The following HYCC1 variants were observed in gnomAD, a reference collection of about 807,000 sequenced individuals.
The protein encoded by HYCC1 is hyccin.
chr7:23,001,207 T>C, the HYCC1 span, among the ~76,000 whole-genome samples: 1 of 152,180 alleles, frequency 6.6e-6, no homozygotes, highest in South Asian at 2.1e-4. Flanking sequence ...AAGCGATTTA[T>C]TGGAATTTTA....
the HYCC1 span, among the ~76,000 whole-genome samples, chr7:22,905,386 A>ATTTTT: frequency 4.7e-4 from 21 of 44,468 alleles, 1 homozygote; most frequent in African/African-American, 1.0e-3. Flanking sequence ...CTAATTTTGT[A>ATTTTT]TTTTTTTTTT....
the HYCC1 span, among the ~76,000 whole-genome samples, chr7:22,953,328 G>A: frequency 1.3e-5 from 2 of 151,888 alleles, no homozygotes; most frequent in African/African-American, 4.8e-5. Flanking sequence ...ATAAAAAGGT[G>A]GAGAAAGGAG....
At chr7:22,999,272 T>C in the HYCC1 span, among the ~76,000 whole-genome samples, 1 of 152,346 alleles carries the variant, frequency 6.6e-6, no homozygotes, top group Middle Eastern at 3.4e-3. Context: ...AGAGCAGTTA[T>C]TGCTGAAATA....
At chr7:22,906,843 G>C in the HYCC1 span, among the ~76,000 whole-genome samples, 1 of 151,928 alleles carries the variant, frequency 6.6e-6, no homozygotes, top group African/African-American at 2.4e-5. Context: ...TTTAATACAT[G>C]TACAATCTAG....
the HYCC1 span, among the ~76,000 whole-genome samples, chr7:22,992,332 G>T: frequency 5.9e-5 from 9 of 152,020 alleles, no homozygotes; most frequent in African/African-American, 2.2e-4. Context: ...TGGGTAATAC[G>T]CATTTTATTT....
chr7:22,903,950 G>T, the HYCC1 span, among the ~76,000 whole-genome samples: 1 of 152,016 alleles, frequency 6.6e-6, no homozygotes, highest in East Asian at 1.9e-4. Context: ...AAAATGAAGG[G>T]ATTATAATTT....
chr7:22,900,034 A>T, the HYCC1 span, among the ~76,000 whole-genome samples: 1 of 152,228 alleles, frequency 6.6e-6, no homozygotes, highest in Admixed American at 6.5e-5. Flanking sequence ...ATTGTCTACC[A>T]TAGGCCAGTT....
At chr7:22,982,501 T>C in the HYCC1 span, among the ~76,000 whole-genome samples, 1 of 152,110 alleles carries the variant, frequency 6.6e-6, no homozygotes, top group Non-Finnish European at 1.5e-5. Flanking sequence ...GATACATAGA[T>C]CCATATTGGA....
At chr7:22,953,901 A>G in the HYCC1 span, among the ~76,000 whole-genome samples, 3 of 151,818 alleles carry the variant, frequency 2.0e-5, no homozygotes, top group East Asian at 5.8e-4. Flanking sequence ...AAACTGCCAG[A>G]TAATTTTTTA....
At chr7:22,976,784 G>A in the HYCC1 span, 1 of 1,612,708 alleles carries the variant, frequency 6.2e-7, no homozygotes, top group Non-Finnish European at 8.5e-7. Flanking sequence ...CTCTCAGTCA[G>A]AGCCATGGAC....
the HYCC1 span, chr7:22,937,789 T>A: frequency 6.6e-6 from 1 of 152,082 alleles, no homozygotes. Flanking sequence ...CACAGCACAA[T>A]GTGATGTGGA....
the HYCC1 span, among the ~76,000 whole-genome samples, chr7:23,011,571 T>C: frequency 6.6e-6 from 1 of 152,126 alleles, no homozygotes; most frequent in Non-Finnish European, 1.5e-5. Context: ...TGGCTTCTCA[T>C]CTATCACGTT....
the HYCC1 span, among the ~76,000 whole-genome samples, chr7:22,948,382 A>AGCCAGAG: frequency 6.6e-6 from 1 of 152,088 alleles, no homozygotes; most frequent in Non-Finnish European, 1.5e-5. Context: ...GCCACATATT[A>AGCCAGAG]CTGTGGTTCC....
At chr7:23,002,289 G>A in the HYCC1 span, among the ~76,000 whole-genome samples, 23 of 151,516 alleles carry the variant, frequency 1.5e-4, no homozygotes, top group African/African-American at 5.6e-4. Flanking sequence ...CAATGGGCAT[G>A]TAAAAGATAT....
chr7:22,923,137 T>C, the HYCC1 span, among the ~76,000 whole-genome samples: 1 of 152,088 alleles, frequency 6.6e-6, no homozygotes, highest in African/African-American at 2.4e-5. Flanking sequence ...TGAAACCATC[T>C]CAGGAATAGA....
At chr7:22,929,484 AC>A in the HYCC1 span, among the ~76,000 whole-genome samples, 1 of 152,208 alleles carries the variant, frequency 6.6e-6, no homozygotes, top group East Asian at 1.9e-4. Flanking sequence ...ATGAACTCAA[AC>A]AAATTTACAA....
At chr7:22,960,565 A>C in the HYCC1 span, 1 of 679,348 alleles carries the variant, frequency 1.5e-6, no homozygotes, top group African/African-American at 1.8e-5. Context: ...CCTCTAAGAT[A>C]AGAATAGGAG....
the HYCC1 span, among the ~76,000 whole-genome samples, chr7:22,929,606 T>C: frequency 8.9e-4 from 135 of 152,356 alleles, no homozygotes; most frequent in African/African-American, 3.0e-3. Context: ...TCATCATCAC[T>C]GACCATCAGA....
the HYCC1 span, among the ~76,000 whole-genome samples, chr7:22,999,028 G>C: frequency 6.6e-6 from 1 of 152,132 alleles, no homozygotes; most frequent in African/African-American, 2.4e-5. Context: ...TTAATGAAAT[G>C]CATGCATTGG....
Sources: gnomAD v4.1 joint callset for allele counts (sites outside exome capture counted in the v4.1 genomes callset) on GRCh38, gnomAD v4.1.1 for gene constraint, MANE v1.5 for transcripts, NCBI Gene and HGNC (gene_info 2026-07-23, HGNC 2026-07-21) for gene names.